The following CHST11 variants were observed in gnomAD, a reference collection of about 807,000 sequenced individuals.
CHST11 encodes the protein C4S-1.
In CHST11, 9 loss-of-function variants were observed where a neutral mutation model predicts 30.4. The observed-to-expected ratio is 0.30, with a 90% CI of 0.18 to 0.52. CHST11 has a LOEUF of 0.52. CHST11 is among the 20% of genes least tolerant of loss of function. CHST11 has a pLI of 0.97. For synonymous variants in CHST11, 152 were observed against 187.8 expected (o/e 0.81, Z 1.56); for missense variants, 348 against 460.6 (o/e 0.76, Z 2.24).
intron 2 of CHST11, among the ~76,000 whole-genome samples, chr12:104,653,899 G>A (rs151043815): frequency 0.011 from 1,649 of 152,192 alleles, 31 homozygotes; most frequent in African/African-American, 0.037. Flanking sequence ...AACCTCAAAC[G>A]GGTGCTGTGC....
chr12:104,703,989 G>A (rs530432027), intron 2 of CHST11, among the ~76,000 whole-genome samples: 15 of 152,306 alleles, frequency 9.8e-5, no homozygotes, highest in African/African-American at 3.4e-4. Flanking sequence ...GCTCCTTAGG[G>A]CCTGGTTCGT....
At chr12:104,706,243 G>T (rs182581712) in intron 2 of CHST11, among the ~76,000 whole-genome samples, 4 of 151,788 alleles carry the variant, frequency 2.6e-5, no homozygotes, top group Admixed American at 2.6e-4. Flanking sequence ...AATTAGCCAG[G>T]TGTGGTAGCG....
At chr12:104,691,896 G>A (rs1303894726) in intron 2 of CHST11, among the ~76,000 whole-genome samples, 2 of 152,182 alleles carry the variant, frequency 1.3e-5, no homozygotes, top group African/African-American at 4.8e-5. Context: ...GTGTGGCTTG[G>A]TACTTGGATG....
At chr12:104,612,039 C>T (rs189156586) in intron 2 of CHST11, among the ~76,000 whole-genome samples, 3 of 152,324 alleles carry the variant, frequency 2.0e-5, no homozygotes, top group African/African-American at 7.2e-5. Flanking sequence ...CAATTCCTTC[C>T]GCTCCTACCT....
At chr12:104,751,190 A>G (rs1408979740) in intron 2 of CHST11, among the ~76,000 whole-genome samples, 1 of 152,220 alleles carries the variant, frequency 6.6e-6, no homozygotes, top group Non-Finnish European at 1.5e-5. Flanking sequence ...ATTAACTGGC[A>G]TGCTACCTCC....
chr12:104,655,275 C>T (rs564188306), intron 2 of CHST11, among the ~76,000 whole-genome samples: 2 of 152,362 alleles, frequency 1.3e-5, no homozygotes, highest in Admixed American at 6.5e-5. Flanking sequence ...GACCTTCGCG[C>T]CGGAGGCGCG....
chr12:104,545,203 G>A (rs965660656), intron 1 of CHST11, among the ~76,000 whole-genome samples: 7 of 152,178 alleles, frequency 4.6e-5, no homozygotes, highest in African/African-American at 1.4e-4. Context: ...TAAATTCTCT[G>A]TCATGTTCCT....
At chr12:104,640,661 A>C (rs2039367939) in intron 2 of CHST11, among the ~76,000 whole-genome samples, 1 of 152,230 alleles carries the variant, frequency 6.6e-6, no homozygotes, top group Non-Finnish European at 1.5e-5. Context: ...TACTCTATGC[A>C]ATGCTTTAAT....
intron 1 of CHST11, among the ~76,000 whole-genome samples, chr12:104,587,781 AT>A: frequency 6.7e-6 from 1 of 149,220 alleles, no homozygotes; most frequent in Non-Finnish European, 1.5e-5. Flanking sequence ...TTATTTATTT[AT>A]TTATTTATTT....
At chr12:104,709,681 C>T (rs931050009) in intron 2 of CHST11, among the ~76,000 whole-genome samples, 4 of 152,076 alleles carry the variant, frequency 2.6e-5, no homozygotes, top group African/African-American at 4.8e-5. Context: ...GGGCACCCTG[C>T]GGTCCATTTC....
chr12:104,669,296 T>C (rs1187538794), intron 2 of CHST11, among the ~76,000 whole-genome samples: 1 of 152,220 alleles, frequency 6.6e-6, no homozygotes, highest in African/African-American at 2.4e-5. Context: ...TGTTCTGCAC[T>C]GGGAAAAAGA....
intron 1 of CHST11, among the ~76,000 whole-genome samples, chr12:104,560,958 A>C (rs2038507264): frequency 1.3e-5 from 2 of 152,228 alleles, no homozygotes; most frequent in South Asian, 4.1e-4. Flanking sequence ...GAAGTGTCAC[A>C]TAACCTGGGA....
chr12:104,647,427 C>T (rs991866667), intron 2 of CHST11, among the ~76,000 whole-genome samples: 2 of 151,926 alleles, frequency 1.3e-5, no homozygotes, highest in African/African-American at 4.8e-5. Context: ...TTTTGGAAAA[C>T]ACAGAAAGAC....
At chr12:104,536,638 T>C (rs2038239839) in intron 1 of CHST11, among the ~76,000 whole-genome samples, 1 of 152,236 alleles carries the variant, frequency 6.6e-6, no homozygotes. Flanking sequence ...TTTTCATTGC[T>C]CTGCCTTGCT....
In CHST11 at chr12:104,757,253, C is replaced by G; in HGVS notation, c.509C>G (p.Pro170Arg). 6.2e-7 allele frequency: 1 copy of G among 1,614,054 alleles called. No individual in the cohort carries two copies. The highest frequency in any genetic ancestry group is 8.5e-7 in the Non-Finnish European group (1 of 1,180,018). ...AAGACCCTGAACCAGTACAGCATCC[C>G]AGAAATCAACCACCGCTTGAAAAGC... ...NLKTLNQYSI[P>R]EINHRLKSYM... The change falls in exon 3 of 3, where the codon CCA becomes CGA. Residue 170 changes from proline (P) to arginine (R), a missense_variant. By Grantham distance (103) the Pro-to-Arg change is moderately radical. Transcript: ENST00000303694. This position sits in a 1 kb window ranked among gnomAD's most constrained non-coding sequence, Gnocchi z 6.5.
At chr12:104,624,579 G>A (rs953757704) in intron 2 of CHST11, among the ~76,000 whole-genome samples, 1 of 152,172 alleles carries the variant, frequency 6.6e-6, no homozygotes, top group Admixed American at 6.5e-5. Context: ...GTAAAATGAA[G>A]ATAATAATCA....
chr12:104,501,639 G>A (rs773079520), intron 1 of CHST11, among the ~76,000 whole-genome samples: 13 of 152,188 alleles, frequency 8.5e-5, no homozygotes, highest in Non-Finnish European at 1.3e-4. Flanking sequence ...ATTCCATAAT[G>A]CAGGTAAAGT....
intron 2 of CHST11, among the ~76,000 whole-genome samples, chr12:104,686,051 G>A (rs1014356069): frequency 1.3e-5 from 2 of 151,868 alleles, no homozygotes; most frequent in African/African-American, 4.8e-5. Flanking sequence ...GCCTTAGTGA[G>A]ACCCTCATCT....
At chr12:104,692,504 T>C (rs762520410) in intron 2 of CHST11, among the ~76,000 whole-genome samples, 6 of 152,188 alleles carry the variant, frequency 3.9e-5, no homozygotes, top group Non-Finnish European at 7.4e-5. Flanking sequence ...GAGGAGAGAA[T>C]TGAGACACAG....
Sources: allele counts gnomAD v4.1 joint callset (sites outside exome capture counted in the v4.1 genomes callset), GRCh38; gene constraint gnomAD v4.1.1; non-coding constraint Gnocchi (gnomAD v3.1); transcripts MANE v1.5; gene names NCBI Gene and HGNC (gene_info 2026-07-23, HGNC 2026-07-21).